Variants in FAM200B observed in about 807,000 individuals in gnomAD.
FAM200B encodes the protein protein FAM200B.
A neutral mutation model predicts 33.1 loss-of-function variants in FAM200B; 32 were observed. That is an observed-to-expected ratio of 0.97 (90% CI 0.73 to 1.30). The LOEUF is 1.30. Ranked by LOEUF, FAM200B falls within the 50% of genes most tolerant of loss-of-function variation. The pLI, the probability that FAM200B is intolerant of heterozygous loss-of-function variation, is 0.00. For missense variants in FAM200B, 741 were observed against 754.0 expected (o/e 0.98, Z 0.20); for synonymous variants, 240 against 264.8 (o/e 0.91, Z 0.91).
the FAM200B span, chr4:15,655,064 C>T: frequency 3.7e-6 from 2 of 539,938 alleles, no homozygotes; most frequent in South Asian, 8.7e-5. Context: ...GCGGGCGGCG[C>T]TGACAGCTGC....
chr4:15,681,786 T>G (rs1718303966), upstream of FAM200B: 1 of 152,592 alleles, frequency 6.6e-6, no homozygotes, highest in African/African-American at 2.4e-5. Flanking sequence ...ATTTGTGAGG[T>G]AGGCCGGAAG....
chr4:15,669,995 G>T, the FAM200B span, among the ~76,000 whole-genome samples: 13 of 152,224 alleles, frequency 8.5e-5, no homozygotes, highest in East Asian at 2.5e-3. Flanking sequence ...TAGAAATTTT[G>T]AAAGAAATAA....
the FAM200B span, among the ~76,000 whole-genome samples, chr4:15,637,349 GTAT>G: frequency 6.6e-6 from 1 of 152,070 alleles, no homozygotes; most frequent in African/African-American, 2.4e-5. Flanking sequence ...AACCTATAAT[GTAT>G]TATTTCAGTA....
At chr4:15,677,050 T>C (rs372471823), upstream of FAM200B, among the ~76,000 whole-genome samples, 50 of 152,310 alleles carry the variant, frequency 3.3e-4, 1 homozygote, top group East Asian at 4.4e-3. Flanking sequence ...AAGAGGTTTA[T>C]TTCGGATATA....
At position 15,687,352 on chromosome 4, in the gene FAM200B, GAAAA is replaced by G; in HGVS notation, c.378_381del (p.Lys127ThrfsTer2). The G allele has an allele frequency of 1.3e-6, 2 of 1,544,278 alleles. No individual in the cohort carries two copies. Among genetic ancestry groups the G allele is most frequent in the Non-Finnish European group, 1.7e-6 (2 of 1,144,000 alleles). On this transcript the variant is annotated frameshift_variant, in exon 2 of 2. Coordinates refer to ENST00000422728, the MANE Select transcript of FAM200B (RefSeq NM_001145191.2). LOFTEE classifies it high-confidence loss of function. ...AGCCTCTTGAATATTTTCAAAGAAA[GAAAA>G]AAGACATAAAGTTATCAACACAATT...
At chr4:15,679,638 C>A (rs1265885657), upstream of FAM200B, among the ~76,000 whole-genome samples, 1 of 150,938 alleles carries the variant, frequency 6.6e-6, no homozygotes, top group Non-Finnish European at 1.5e-5. Flanking sequence ...TAAAATTAAG[C>A]CTTCTTATCA....
chr4:15,659,199 C>G, the FAM200B span, among the ~76,000 whole-genome samples: 1 of 152,174 alleles, frequency 6.6e-6, no homozygotes, highest in Non-Finnish European at 1.5e-5. Context: ...TAATGTTTAT[C>G]TACATTCCCT....
chr4:15,669,810 C>T, the FAM200B span, among the ~76,000 whole-genome samples: 15 of 151,884 alleles, frequency 9.9e-5, no homozygotes, highest in Non-Finnish European at 7.4e-5. Context: ...GTAATAATAC[C>T]ACATATTTTA....
Position 15,689,061 on chromosome 4 carries a change from A to G in FAM200B, c.*110A>G. 1 of 829,782 alleles carries G rather than the reference A, an allele frequency of 1.2e-6. No individual in the cohort carries two copies. Among genetic ancestry groups the G allele is most frequent in the Non-Finnish European group, 1.7e-6 (1 of 600,906 alleles). The allele number at this position is 829,782 out of a possible 1,614,324, so 51.4% of individuals were successfully genotyped here. On this transcript the variant is annotated 3_prime_UTR_variant, in exon 2 of 2. Coordinates refer to ENST00000422728, the MANE Select transcript of FAM200B (RefSeq NM_001145191.2). ...ACTGTGATACTTTTGTTATGTTTTA[A>G]TTTTTGTTATATTTAATAAAATTAT... is the stretch of plus-strand genomic sequence containing the variant.
At position 15,690,154 on chromosome 4, in the gene FAM200B, A is replaced by C. The variant is rs1337249689; in HGVS notation, c.*1203A>C. On this transcript the variant is annotated 3_prime_UTR_variant, in exon 2 of 2. Transcript: ENST00000422728. Reference sequence around the variant, plus strand: ...TAATTTTGACATAACTGCTGTAACCATCCAGAAACGGCATTGATGTTGCTT... The same window carrying C: ...TAATTTTGACATAACTGCTGTAACCCTCCAGAAACGGCATTGATGTTGCTT... The C allele has an allele frequency of 6.0e-6, 1 of 167,104 alleles. No homozygotes were observed. The allele number at this position is 167,104 out of a possible 1,614,324, so 10.4% of individuals were successfully genotyped here.
chr4:15,654,585 A>C, the FAM200B span, among the ~76,000 whole-genome samples: 1 of 152,266 alleles, frequency 6.6e-6, no homozygotes, highest in Non-Finnish European at 1.5e-5. Flanking sequence ...CGATAACGAC[A>C]CATGAAGAGT....
At chr4:15,646,744 G>A in the FAM200B span, among the ~76,000 whole-genome samples, 5 of 130,828 alleles carry the variant, frequency 3.8e-5, no homozygotes, top group African/African-American at 1.2e-4. Context: ...CCCTTCCCAC[G>A]TCCATGTTGT....
the FAM200B span, among the ~76,000 whole-genome samples, chr4:15,653,505 A>T: frequency 6.6e-6 from 1 of 152,180 alleles, no homozygotes; most frequent in Admixed American, 6.5e-5. Context: ...AAAGCTACAA[A>T]CACCCTAGGA....
At position 15,687,348 on chromosome 4, in the gene FAM200B, G is replaced by C. The variant is rs1352485198; in HGVS notation, c.371G>C (p.Arg124Thr). The stretch of plus-strand genomic sequence containing the variant: ...GATAAGCCTCTTGAATATTTTCAAA[G>C]AAAGAAAAAAGACATAAAGTTATCA... The part of the protein sequence containing the change: ...LIDKPLEYFQ[R>T]KKKDIKLSTQ... The change falls in exon 2 of 2, where the codon AGA becomes ACA. Residue 124 changes from arginine (R) to threonine (T), a missense_variant. Arg to Thr is a moderately conservative substitution (Grantham distance 71, BLOSUM62 -1). Transcript: ENST00000422728. The C allele has an allele frequency of 6.5e-7, 1 of 1,543,866 alleles. No homozygotes were observed. Among genetic ancestry groups the C allele is most frequent in the African/African-American group, 1.4e-5 (1 of 72,416 alleles).
At chr4:15,639,583 G>T in the FAM200B span, among the ~76,000 whole-genome samples, 1 of 152,160 alleles carries the variant, frequency 6.6e-6, no homozygotes, top group Non-Finnish European at 1.5e-5. Flanking sequence ...ATCTTTAGAG[G>T]TTGGAAACAA....
chr4:15,687,552 A>G lies in FAM200B; in HGVS notation c.575A>G (p.Lys192Arg). Residue 192 changes from lysine (K) to arginine (R), a missense_variant, in exon 2 of 2, where the codon AAA becomes AGA. Lys to Arg is a conservative substitution (Grantham distance 26). Transcript: ENST00000422728. ...GATGATAAATCAGCTGATAAATTAA[A>G]AACTATACCTAATGATAACACAGTA... ...IFDDKSADKL[K>R]TIPNDNTVSL... 1 of 1,550,372 alleles carries G rather than the reference A, an allele frequency of 6.5e-7. No homozygotes were observed. The highest frequency in any genetic ancestry group is 1.2e-5 in the South Asian group (1 of 83,954).
chr4:15,654,578 T>C, the FAM200B span, among the ~76,000 whole-genome samples: 1 of 152,214 alleles, frequency 6.6e-6, no homozygotes, highest in Non-Finnish European at 1.5e-5. Context: ...AGGAAAACGA[T>C]AACGACACAT....
chr4:15,664,261 TG>T, the FAM200B span, among the ~76,000 whole-genome samples: 1 of 152,178 alleles, frequency 6.6e-6, no homozygotes, highest in Non-Finnish European at 1.5e-5. Context: ...AGACCTAGTA[TG>T]GGCCCTACTT....
the FAM200B span, among the ~76,000 whole-genome samples, chr4:15,665,840 G>A: frequency 6.6e-6 from 1 of 152,076 alleles, no homozygotes; most frequent in African/African-American, 2.4e-5. Flanking sequence ...CTGTTGGTAG[G>A]AATCCGATGA....
Sources: allele counts gnomAD v4.1 joint callset (sites outside exome capture counted in the v4.1 genomes callset), GRCh38; gene constraint gnomAD v4.1.1; transcripts MANE v1.5; gene names NCBI Gene and HGNC (gene_info 2026-07-23, HGNC 2026-07-21).